The following H2AC8 variants were observed in gnomAD, a reference collection of about 807,000 sequenced individuals.
H2AC8 encodes the protein H2A clustered histone 8, also known as histone H2A type 1-B/E.
H2AC8 carries 9 observed loss-of-function variants against 6.3 expected under a neutral mutation model. The ratio of observed to expected loss-of-function variants is 1.43; its 90% CI spans 0.86 to 2.49. The LOEUF (loss-of-function observed/expected upper bound fraction) is 2.49. Among genes scored for constraint, H2AC8 ranks in the 30% most tolerant of loss-of-function variants. The probability of loss-of-function intolerance (pLI) is 0.00; values close to 1 mark genes in which losing one functional copy is unlikely to be tolerated. For missense variants in H2AC8, 141 were observed against 177.5 expected, an observed-to-expected ratio of 0.79 and a Z score of 1.17; for synonymous variants, 176 against 79.6, an observed-to-expected ratio of 2.21 and a Z score of -6.45.
At chr6:26,217,184 G>A (rs759035850) in exon 1 of H2AC8, 124 of 1,614,042 alleles carry the variant, frequency 7.7e-5, no homozygotes, top group Non-Finnish European at 9.7e-5. Context: ...CTGGCAACGC[G>A]GCTCGCGACA....
exon 1 of H2AC8, chr6:26,217,364 G>A: frequency 2.5e-6 from 4 of 1,612,142 alleles, no homozygotes; most frequent in Non-Finnish European, 3.4e-6. Context: ...CCAAGGGCAA[G>A]TGAAATGATT....
Position 26,217,141 on chromosome 6 carries a change from TG to T in H2AC8, c.169del (p.Glu57AsnfsTer3). 1 of 1,614,110 alleles carries T rather than the reference TG, an allele frequency of 6.2e-7. No individual in the cohort carries two copies. Among genetic ancestry groups the T allele is most frequent in the Non-Finnish European group, 8.5e-7 (1 of 1,180,022 alleles). The stretch of plus-strand genomic sequence containing the variant: ...GCTCCAGTGTACCTGGCAGCGGTGC[TG>T]GAATATCTGACGGCCGAGATCTTAG... On this transcript the variant is annotated frameshift_variant, in exon 1 of 1. Coordinates refer to ENST00000303910, the Ensembl canonical transcript of H2AC8. LOFTEE classifies it high-confidence loss of function.
exon 1 of H2AC8, chr6:26,217,251 GAGCTAAATA>G: frequency 6.2e-7 from 1 of 1,614,214 alleles, no homozygotes; most frequent in Non-Finnish European, 8.5e-7. Context: ...CAACGACGAG[GAGCTAAATA>G]AGCTTCTAGG....
exon 1 of H2AC8, chr6:26,217,109 G>T: frequency 6.2e-7 from 1 of 1,614,190 alleles, no homozygotes; most frequent in Non-Finnish European, 8.5e-7. Flanking sequence ...AACGAGTCGG[G>T]GCCGGCGCTC....
chr6:26,216,958 G>A (rs1561989845), upstream of H2AC8: 12 of 1,613,714 alleles, frequency 7.4e-6, no homozygotes, highest in African/African-American at 4.0e-5. Context: ...TAGTTCTTCT[G>A]CTGTTAGGAA....
chr6:26,217,152 A>G, exon 1 of H2AC8: 1 of 1,614,060 alleles, frequency 6.2e-7, no homozygotes, highest in Non-Finnish European at 8.5e-7. Flanking sequence ...GGAATATCTG[A>G]CGGCCGAGAT....
At position 26,217,248 on chromosome 6, in the gene H2AC8, G is replaced by T; in HGVS notation, c.274G>T (p.Glu92Ter). 1.2e-6 allele frequency: 2 copies of T among 1,614,216 alleles called. No individual in the cohort carries two copies. The highest frequency in any genetic ancestry group is 1.7e-6 in the Non-Finnish European group (2 of 1,180,046). Residue 92 changes from glutamate to a stop codon, truncating the protein, a stop_gained, in exon 1 of 1, where the codon GAG (glutamate) becomes TAG (stop). Transcript: ENST00000303910. LOFTEE classifies it high-confidence loss of function. ...CCTGCAGCTAGCCATCCGCAACGAC[G>T]AGGAGCTAAATAAGCTTCTAGGTCG... is the stretch of plus-strand genomic sequence containing the variant.
exon 1 of H2AC8, chr6:26,217,319 A>G: frequency 7.4e-6 from 12 of 1,614,154 alleles, no homozygotes; most frequent in Non-Finnish European, 1.0e-5. Context: ...TCCAGGCCGT[A>G]TTGCTGCCTA....
chr6:26,217,217 G>C (rs1236213237), exon 1 of H2AC8: 1 of 1,614,144 alleles, frequency 6.2e-7, no homozygotes, highest in Non-Finnish European at 8.5e-7. Flanking sequence ...GCATCATCCC[G>C]CGCCACCTGC....
exon 1 of H2AC8, chr6:26,217,096 C>T (rs1477519801): frequency 1.2e-6 from 2 of 1,614,216 alleles, no homozygotes; most frequent in African/African-American, 1.3e-5. Flanking sequence ...GGCAACTACT[C>T]CGAACGAGTC....
upstream of H2AC8, chr6:26,216,956 C>T (rs374989487): frequency 5.6e-5 from 90 of 1,613,480 alleles, no homozygotes; most frequent in South Asian, 2.5e-4. Flanking sequence ...GTTAGTTCTT[C>T]TGCTGTTAGG....
upstream of H2AC8, chr6:26,216,970 C>T (rs372832934): frequency 4.9e-4 from 793 of 1,613,930 alleles, 1 homozygote; most frequent in Non-Finnish European, 6.5e-4. Context: ...TGTTAGGAAG[C>T]CACTATGTCT....
upstream of H2AC8, chr6:26,216,932 T>A (rs764932874): frequency 6.2e-7 from 1 of 1,607,236 alleles, no homozygotes; most frequent in South Asian, 1.1e-5. Flanking sequence ...TTCTTTTTCT[T>A]TATTCAGTGG....
At chr6:26,217,240 G>C in exon 1 of H2AC8, 1 of 1,614,194 alleles carries the variant, frequency 6.2e-7, no homozygotes, top group Non-Finnish European at 8.5e-7. Context: ...CTAGCCATCC[G>C]CAACGACGAG....
exon 1 of H2AC8, chr6:26,217,353 G>A (rs1765436441): frequency 6.2e-7 from 1 of 1,613,390 alleles, no homozygotes; most frequent in East Asian, 2.2e-5. Flanking sequence ...CCACCATAAG[G>A]CCAAGGGCAA....
rs151165440 is a variant in H2AC8, at chr6:26,217,349, T to C, written c.375T>C (p.His125=). 38 of 1,613,870 alleles carry C rather than the reference T, an allele frequency of 2.4e-5. No homozygotes were observed. The African/African-American group carries it at 4.7e-4, about 20-fold the overall frequency. Reference sequence around the variant, plus strand: ...TGCCTAAGAAGACGGAGAGCCACCATAAGGCCAAGGGCAAGTGAAATGATT... The same window carrying C: ...TGCCTAAGAAGACGGAGAGCCACCACAAGGCCAAGGGCAAGTGAAATGATT... Residue 125 remains histidine, a synonymous_variant, in exon 1 of 1, where the codon CAT becomes CAC. Transcript: ENST00000303910.
chr6:26,216,949 A>G (rs768703434), upstream of H2AC8: 6 of 1,612,510 alleles, frequency 3.7e-6, no homozygotes, highest in Admixed American at 1.7e-5. Flanking sequence ...GTGGATTGTT[A>G]GTTCTTCTGC....
exon 1 of H2AC8, chr6:26,217,397 C>T (rs199535366): frequency 1.4e-5 from 23 of 1,596,418 alleles, no homozygotes; most frequent in Admixed American, 1.1e-4. Context: ...CGTCAGTGAT[C>T]CCGAGTCCCA....
exon 1 of H2AC8, chr6:26,217,295 T>A: frequency 6.2e-7 from 1 of 1,614,150 alleles, no homozygotes; most frequent in African/African-American, 1.3e-5. Flanking sequence ...CGCAGGGCGG[T>A]GTCCTGCCCA....
Sources: allele counts gnomAD v4.1 joint callset, GRCh38; gene constraint gnomAD v4.1.1; transcripts MANE v1.5; gene names NCBI Gene and HGNC (gene_info 2026-07-23, HGNC 2026-07-21).